Variants in TSC22D2 observed in about 807,000 individuals in gnomAD.
TSC22D2 encodes TSC22 domain family member 2.
TSC22D2 carries 5 observed loss-of-function variants against 50.1 expected under a neutral mutation model. The ratio of observed to expected loss-of-function variants is 0.10; its 90% confidence interval spans 0.05 to 0.21. The LOEUF is 0.21. Among genes scored for constraint, TSC22D2 ranks in the 10% least tolerant of loss-of-function variants. The pLI is 1.00. For synonymous variants in TSC22D2, 501 were observed against 450.1 expected, an observed-to-expected ratio of 1.11 and a Z score of -1.43; for missense variants, 1,003 against 1,015.5, an observed-to-expected ratio of 0.99 and a Z score of 0.17.
intron 1 of TSC22D2, among the ~76,000 whole-genome samples, chr3:150,427,230 G>A (rs953691040): frequency 2.0e-5 from 3 of 152,034 alleles, no homozygotes; most frequent in Admixed American, 2.0e-4. Flanking sequence ...TATCGGAAAA[G>A]TGCACCATTC....
chr3:150,444,683 T>C (rs1000741440), intron 1 of TSC22D2, among the ~76,000 whole-genome samples: 1 of 152,230 alleles, frequency 6.6e-6, no homozygotes, highest in Non-Finnish European at 1.5e-5. Context: ...ATTCACCATG[T>C]CTAAATTATT....
rs1419441143 is a variant in TSC22D2, at chr3:150,410,082, C to T, written c.732C>T (p.Ser244=). ...GAHGPESGTD[S]SLTAVSQLPP... is the part of the protein sequence containing the mutation. ...ACGGGCCCGAGTCGGGAACTGACAG[C>T]TCCTTGACTGCTGTGTCACAGCTAC... is the stretch of plus-strand genomic sequence containing the variant. The change falls in exon 1 of 3, where the codon AGC becomes AGT. Residue 244 remains serine (S), a synonymous_variant. Coordinates refer to ENST00000688009, the MANE Select transcript of TSC22D2 (RefSeq NM_001303264.2). 1 of 1,612,878 alleles carries T rather than the reference C, an allele frequency of 6.2e-7. No individual in the cohort carries two copies. The highest frequency in any genetic ancestry group is 8.5e-7 in the Non-Finnish European group (1 of 1,180,020).
chr3:150,432,791 G>C (rs1720422088), intron 1 of TSC22D2, among the ~76,000 whole-genome samples: 1 of 152,058 alleles, frequency 6.6e-6, no homozygotes, highest in Non-Finnish European at 1.5e-5. Flanking sequence ...AACCTTTTGG[G>C]AAGAAAGAAA....
chr3:150,437,901 G>A (rs1720597239), intron 1 of TSC22D2, among the ~76,000 whole-genome samples: 1 of 151,958 alleles, frequency 6.6e-6, no homozygotes, highest in Non-Finnish European at 1.5e-5. Context: ...CCTTTCTACA[G>A]GACTACAAAG....
rs1207012062 is a variant in TSC22D2 at position 150,465,680 on chromosome 3, C to T, written c.*7044C>T. The T allele has an allele frequency of 1.3e-5, 2 of 152,096 alleles. No individual in the cohort carries two copies. The highest frequency in any genetic ancestry group is 6.6e-5 in the Admixed American group (1 of 15,254). The allele number at this position is 152,096 out of a possible 1,614,324, so 9.4% of individuals were successfully genotyped here. A position where few individuals can be genotyped will look rare whatever the true frequency, so the allele number is the denominator to read the frequency against. ...GAGGTTTCAGTCATCCAAGGTCAACCACAATACAAAAATATTAAATGGAAA... is the reference window on the plus strand; with the variant it reads ...GAGGTTTCAGTCATCCAAGGTCAACTACAATACAAAAATATTAAATGGAAA... On this transcript the variant is annotated 3_prime_UTR_variant, in exon 3 of 3. Coordinates refer to ENST00000688009, the MANE Select transcript of TSC22D2 (RefSeq NM_001303264.2).
chr3:150,460,294 T>C lies in TSC22D2; in HGVS notation c.*1658T>C, dbSNP rs534128948. The C allele has an allele frequency of 4.6e-5, 7 of 152,190 alleles. No individual in the cohort carries two copies. Among genetic ancestry groups the C allele is most frequent in the Non-Finnish European group, 1.0e-4 (7 of 68,022 alleles). 9.4% of individuals were successfully genotyped at this position (152,190 alleles called of 1,614,324 possible). A position where few individuals can be genotyped will look rare whatever the true frequency, so the allele number is the denominator to read the frequency against. On this transcript the variant is annotated 3_prime_UTR_variant, in exon 3 of 3. Transcript: ENST00000688009. ...TTTGTACTCAATATTCATATTATGT[T>C]AGTGATACTTAAGTAGGAAATCCTT...
intron 1 of TSC22D2, among the ~76,000 whole-genome samples, chr3:150,456,190 T>G (rs63162560): frequency 8.2e-5 from 12 of 147,060 alleles, no homozygotes; most frequent in East Asian, 7.7e-4. Flanking sequence ...GTTTTTTTTT[T>G]TTTTGTTTTT....
chr3:150,409,932 C>G lies in TSC22D2; in HGVS notation c.582C>G (p.Val194=), dbSNP rs376496346. The change falls in exon 1 of 3, where the codon GTC becomes GTG. Residue 194 remains valine (V), a synonymous_variant. Transcript: ENST00000688009. The surrounding 1 kb of genome is among the most constrained non-coding windows in gnomAD (Gnocchi z 7.4). ...ATGAGAGGGATTCAGACAGCAGCGT[C>G]CTGACTAGATCCGGGGATTGCATTA... The part of the protein sequence containing the change: ...EYYERDSDSS[V]LTRSGDCIRH... The G allele has an allele frequency of 6.6e-5, 107 of 1,613,888 alleles. No homozygotes were observed. The South Asian group carries it at 1.1e-3, about 17-fold the overall frequency.
intron 1 of TSC22D2, among the ~76,000 whole-genome samples, chr3:150,414,794 A>G (rs1335611187): frequency 4.0e-5 from 6 of 151,898 alleles, no homozygotes; most frequent in Non-Finnish European, 7.4e-5. Context: ...GAACTGTCTC[A>G]GTCTTCGACC....
intron 1 of TSC22D2, among the ~76,000 whole-genome samples, chr3:150,424,597 C>A (rs938900119): frequency 1.3e-5 from 2 of 152,102 alleles, no homozygotes; most frequent in African/African-American, 4.8e-5. Context: ...TTTGTTGTTA[C>A]AGCTAAATAC....
Position 150,458,743 on chromosome 3 carries a change from G to T in TSC22D2, c.*107G>T, listed in dbSNP as rs1721276603. 8 of 1,432,860 alleles carry T rather than the reference G, an allele frequency of 5.6e-6. No homozygotes were observed. The Admixed American group carries it at 1.8e-4, about 33-fold the overall frequency. 88.8% of individuals were successfully genotyped at this position (1,432,860 alleles called of 1,614,324 possible). ...AAGCAAGTAGCCATGCTTTGGTTGT[G>T]TGTTTGGCCTTTTCAGTATTAGACA... On this transcript the variant is annotated 3_prime_UTR_variant, in exon 3 of 3. Coordinates refer to ENST00000688009, the MANE Select transcript of TSC22D2 (RefSeq NM_001303264.2).
Position 150,460,306 on chromosome 3 carries a change from A to G in TSC22D2, c.*1670A>G, listed in dbSNP as rs1721356803. On this transcript the variant is annotated 3_prime_UTR_variant, in exon 3 of 3. Transcript: ENST00000688009. ...ATTCATATTATGTTAGTGATACTTA[A>G]GTAGGAAATCCTTGTCTACCAAAAC... is the stretch of plus-strand genomic sequence containing the variant. 6.6e-6 allele frequency: 1 copy of G among 152,230 alleles called. No homozygotes were observed. Among genetic ancestry groups the G allele is most frequent in the African/African-American group, 2.4e-5 (1 of 41,464 alleles). 9.4% of individuals were successfully genotyped at this position (152,230 alleles called of 1,614,324 possible). A position where few individuals can be genotyped will look rare whatever the true frequency, so the allele number is the denominator to read the frequency against.
chr3:150,434,469 G>T (rs1351829071), intron 1 of TSC22D2, among the ~76,000 whole-genome samples: 2 of 152,152 alleles, frequency 1.3e-5, no homozygotes, highest in Non-Finnish European at 2.9e-5. Flanking sequence ...TGTTAACAAA[G>T]CATGCAGTTC....
chr3:150,427,463 C>G (rs1366558555), intron 1 of TSC22D2, among the ~76,000 whole-genome samples: 1 of 152,018 alleles, frequency 6.6e-6, no homozygotes, highest in Non-Finnish European at 1.5e-5. Context: ...TATGGTTCTG[C>G]ATAGTTGTAG....
intron 1 of TSC22D2, among the ~76,000 whole-genome samples, chr3:150,428,808 G>A (rs1407824323): frequency 6.6e-6 from 1 of 152,122 alleles, no homozygotes; most frequent in Middle Eastern, 3.2e-3. Context: ...TGCATATCCA[G>A]GGGTATTTCA....
At chr3:150,443,412 T>G (rs983825299) in intron 1 of TSC22D2, among the ~76,000 whole-genome samples, 4 of 152,240 alleles carry the variant, frequency 2.6e-5, no homozygotes, top group African/African-American at 7.2e-5. Flanking sequence ...GTCACTGGTT[T>G]TAGTACATAG....
intron 1 of TSC22D2, among the ~76,000 whole-genome samples, chr3:150,412,617 C>T (rs1719633851): frequency 6.6e-6 from 1 of 152,072 alleles, no homozygotes; most frequent in African/African-American, 2.4e-5. Context: ...TTGTAGGTGA[C>T]TTGCTTATGG....
chr3:150,445,352 T>C, intron 1 of TSC22D2, among the ~76,000 whole-genome samples: 1 of 140,714 alleles, frequency 7.1e-6, no homozygotes, highest in Non-Finnish European at 1.6e-5. Flanking sequence ...ATAATAATAA[T>C]AATAATAAGC....
chr3:150,436,479 A>G (rs1216225438), intron 1 of TSC22D2, among the ~76,000 whole-genome samples: 2 of 152,154 alleles, frequency 1.3e-5, no homozygotes, highest in African/African-American at 4.8e-5. Context: ...TTCAGGAAGT[A>G]TTTACTTTAC....
Sources: gnomAD v4.1 joint callset for allele counts (sites outside exome capture counted in the v4.1 genomes callset) on GRCh38, gnomAD v4.1.1 for gene constraint, Gnocchi (gnomAD v3.1) non-coding constraint, MANE v1.5 for transcripts, NCBI Gene and HGNC (gene_info 2026-07-23, HGNC 2026-07-21) for gene names.